The following PTPRM variants were observed in gnomAD, a reference collection of about 807,000 sequenced individuals.
The protein encoded by PTPRM is protein tyrosine phosphatase receptor type M, also known as receptor-type tyrosine-protein phosphatase mu.
In PTPRM, 47 loss-of-function variants were observed where a neutral mutation model predicts 186.7. The ratio of observed to expected loss-of-function variants is 0.25; its 90% CI spans 0.20 to 0.32. PTPRM has a LOEUF of 0.32. Ranked by LOEUF, PTPRM falls within the 10% of genes least tolerant of loss-of-function variation. PTPRM has a pLI of 1.00. For synonymous variants in PTPRM, 668 were observed against 674.9 expected (o/e 0.99, Z 0.16); for missense variants, 1,494 against 1,865.0 (o/e 0.80, Z 3.66).
chr18:7,579,174 C>T (rs2036779680), intron 1 of PTPRM, among the ~76,000 whole-genome samples: 1 of 152,192 alleles, frequency 6.6e-6, no homozygotes, highest in South Asian at 2.1e-4. Flanking sequence ...AAATTGGCAT[C>T]ATGAAAAGCC....
At chr18:8,259,946 A>C (rs2094611600) in intron 19 of PTPRM, among the ~76,000 whole-genome samples, 1 of 152,128 alleles carries the variant, frequency 6.6e-6, no homozygotes, top group South Asian at 2.1e-4. Context: ...CTGGCCCCAG[A>C]TCTCCCTCTT....
At chr18:7,818,891 T>C (rs762555523) in intron 2 of PTPRM, among the ~76,000 whole-genome samples, 1 of 152,164 alleles carries the variant, frequency 6.6e-6, no homozygotes, top group Non-Finnish European at 1.5e-5. Flanking sequence ...ATACAATGTG[T>C]CGTGAGAGTA....
chr18:8,082,051 G>C (rs2090156696), intron 9 of PTPRM, among the ~76,000 whole-genome samples: 1 of 152,090 alleles, frequency 6.6e-6, no homozygotes, highest in East Asian at 1.9e-4. Context: ...GATAGTCTCT[G>C]TGGGTGGAGC....
intron 20 of PTPRM, among the ~76,000 whole-genome samples, chr18:8,301,817 G>T (rs957419905): frequency 1.3e-5 from 2 of 152,258 alleles, no homozygotes; most frequent in Admixed American, 1.3e-4. Flanking sequence ...GGAAAATGAA[G>T]CAGGGAATGG....
At position 7,624,840 on chromosome 18, in the gene PTPRM, G is replaced by C. The variant is rs188364740; in HGVS notation, c.73+56949G>C. 5.9e-5 allele frequency among the ~76,000 whole-genome samples: 9 copies of C among 152,306 alleles called. No individual in the cohort carries two copies. In the South Asian group the frequency reaches 6.2e-4, roughly 11 times the overall value. On this transcript the variant is annotated intron_variant, in intron 1 of 32. Transcript: ENST00000580170. ...TCTACTGCATGAGATTGTTGCGAAG[G>C]CTGCATGAATGCACTGTGCAGAGCT...
At chr18:7,975,588 T>C (rs1429656834) in intron 7 of PTPRM, among the ~76,000 whole-genome samples, 2 of 152,198 alleles carry the variant, frequency 1.3e-5, no homozygotes, top group Non-Finnish European at 1.5e-5. Context: ...AAGATGGTAG[T>C]CCTTTAAGAT....
chr18:8,086,565 G>A (rs1324630010), intron 10 of PTPRM, among the ~76,000 whole-genome samples: 1 of 152,158 alleles, frequency 6.6e-6, no homozygotes, highest in Non-Finnish European at 1.5e-5. Context: ...GAGTGTGGAA[G>A]TGTTGAGTTT....
At chr18:8,245,266 G>T (rs2094467136) in intron 15 of PTPRM, among the ~76,000 whole-genome samples, 1 of 152,078 alleles carries the variant, frequency 6.6e-6, no homozygotes, top group Non-Finnish European at 1.5e-5. Flanking sequence ...TCCGAATTCA[G>T]TCTTACATTT....
chr18:8,141,683 C>T (rs556011191), intron 13 of PTPRM, among the ~76,000 whole-genome samples: 1 of 152,124 alleles, frequency 6.6e-6, no homozygotes, highest in African/African-American at 2.4e-5. Context: ...AGTGACATAA[C>T]TTAGTTACAA....
intron 2 of PTPRM, among the ~76,000 whole-genome samples, chr18:7,786,200 T>C (rs1270687605): frequency 2.0e-5 from 3 of 152,210 alleles, no homozygotes; most frequent in African/African-American, 7.2e-5. Flanking sequence ...GAGAAATAAA[T>C]ATAGCTATTT....
chr18:7,856,309 A>G (rs2047092040), intron 2 of PTPRM, among the ~76,000 whole-genome samples: 2 of 152,250 alleles, frequency 1.3e-5, no homozygotes, highest in Non-Finnish European at 2.9e-5. Context: ...ATACATATTC[A>G]TAGACATGGA....
intron 14 of PTPRM, among the ~76,000 whole-genome samples, chr18:8,186,747 G>A (rs893194304): frequency 6.6e-6 from 1 of 152,186 alleles, no homozygotes; most frequent in Non-Finnish European, 1.5e-5. Flanking sequence ...GGAAACTGAG[G>A]CAGAGGCATT....
chr18:8,369,422 G>A (rs2095650935), intron 23 of PTPRM, among the ~76,000 whole-genome samples: 1 of 152,220 alleles, frequency 6.6e-6, no homozygotes, highest in South Asian at 2.1e-4. Flanking sequence ...ATTTAGGATT[G>A]TGGCAGAGGG....
intron 7 of PTPRM, among the ~76,000 whole-genome samples, chr18:7,998,852 G>A (rs753195557): frequency 1.7e-4 from 26 of 152,028 alleles, no homozygotes; most frequent in Non-Finnish European, 3.2e-4. Flanking sequence ...ACAGGATTTT[G>A]CCATGCTGGT....
Position 7,915,765 on chromosome 18 carries a change from A to C in PTPRM, c.547+9182A>C, listed in dbSNP as rs547788160. On this transcript the variant is annotated intron_variant, in intron 4 of 32. Coordinates refer to ENST00000580170, the MANE Select transcript of PTPRM (RefSeq NM_001105244.2). ...AAGGAAGTACTGATGCTTGAACACA[A>C]ATGTGCTGAAATCCAAATCTTAAAA... 2.6e-5 allele frequency among the ~76,000 whole-genome samples: 4 copies of C among 152,338 alleles called. No individual in the cohort carries two copies. The East Asian group carries it at 7.7e-4, about 29-fold the overall frequency.
At chr18:8,253,166 C>T (rs2094544269) in intron 18 of PTPRM, 61 bp from the exon 19 acceptor site, 3 of 1,275,570 alleles carry the variant, frequency 2.4e-6, no homozygotes, top group Admixed American at 3.8e-5. Context: ...TTAGCATTCT[C>T]AGTGATGCCG....
intron 14 of PTPRM, among the ~76,000 whole-genome samples, chr18:8,145,483 C>T (rs1232804333): frequency 6.6e-6 from 1 of 152,182 alleles, no homozygotes; most frequent in Non-Finnish European, 1.5e-5. Flanking sequence ...CCGCCCTACC[C>T]CCTGACAGGC....
At chr18:8,106,047 C>T (rs2091501785) in intron 11 of PTPRM, among the ~76,000 whole-genome samples, 1 of 152,156 alleles carries the variant, frequency 6.6e-6, no homozygotes, top group Non-Finnish European at 1.5e-5. Flanking sequence ...CCTTCTTCAT[C>T]CTTACCTCAG....
chr18:7,568,591 C>G lies in PTPRM; in HGVS notation c.73+700C>G, dbSNP rs939800980. On this transcript the variant is annotated intron_variant, in intron 1 of 32. Coordinates refer to ENST00000580170, the MANE Select transcript of PTPRM (RefSeq NM_001105244.2). This position sits in a 1 kb window ranked among gnomAD's most constrained non-coding sequence, Gnocchi z 5.1. ...CGGCCCTGCGCCCCGCTGGGCTCCCCCTCCCCACCCTCGTCCCCCTAGCGG... is the reference window on the plus strand; with the variant it reads ...CGGCCCTGCGCCCCGCTGGGCTCCCGCTCCCCACCCTCGTCCCCCTAGCGG... Among the ~76,000 whole-genome samples, 2 of 152,182 alleles carry G rather than the reference C, an allele frequency of 1.3e-5. No homozygotes were observed. The highest frequency in any genetic ancestry group is 4.8e-5 in the African/African-American group (2 of 41,456).
Sources: gnomAD v4.1 joint callset for allele counts (sites outside exome capture counted in the v4.1 genomes callset) on GRCh38, gnomAD v4.1.1 for gene constraint, Gnocchi (gnomAD v3.1) non-coding constraint, MANE v1.5 for transcripts, NCBI Gene and HGNC (gene_info 2026-07-23, HGNC 2026-07-21) for gene names.